The following DHX9 variants were observed in gnomAD, a reference collection of about 807,000 sequenced individuals.
The protein encoded by DHX9 is ATP-dependent RNA helicase A.
DHX9 carries 27 observed loss-of-function variants against 148.7 expected under a neutral mutation model. That is an observed-to-expected ratio of 0.18 (90% CI 0.13 to 0.25). The LOEUF is 0.25. Ranked by LOEUF, DHX9 falls within the 10% of genes least tolerant of loss-of-function variation. The probability of loss-of-function intolerance (pLI) is 1.00; values close to 1 mark genes in which losing one functional copy is unlikely to be tolerated. For missense variants in DHX9, 796 were observed against 1,559.6 expected, an observed-to-expected ratio of 0.51 and a Z score of 8.25; for synonymous variants, 529 against 516.6, an observed-to-expected ratio of 1.02 and a Z score of -0.33.
intron 3 of DHX9, among the ~76,000 whole-genome samples, chr1:182,849,763 C>T (rs1668097772): frequency 6.6e-6 from 1 of 152,074 alleles, no homozygotes; most frequent in South Asian, 2.1e-4. Flanking sequence ...GGATCATTTA[C>T]ATATATATTT....
At position 182,866,476 on chromosome 1, in the gene DHX9, G is replaced by A. The variant is rs1342985359; in HGVS notation, c.1365G>A (p.Glu455=). 3 of 1,614,156 alleles carry A rather than the reference G, an allele frequency of 1.9e-6. No homozygotes were observed. The highest frequency in any genetic ancestry group is 2.5e-6 in the Non-Finnish European group (3 of 1,180,036). Residue 455 remains glutamate (E), a synonymous_variant, in exon 13 of 28, where the codon GAG becomes GAA. Coordinates refer to ENST00000367549, the MANE Select transcript of DHX9 (RefSeq NM_001357.5). Reference sequence around the variant, plus strand: ...GAATCAGTGCGGTTTCTGTGGCAGAGCGAGTTGCATTTGAAAGAGGAGAAG... The same window carrying A: ...GAATCAGTGCGGTTTCTGTGGCAGAACGAGTTGCATTTGAAAGAGGAGAAG... ...PRRISAVSVA[E]RVAFERGEEP...
chr1:182,860,318 C>A, intron 12 of DHX9, 134 bp downstream of exon 12: 1 of 774,684 alleles, frequency 1.3e-6, no homozygotes, highest in Non-Finnish European at 1.9e-6. Flanking sequence ...AAAAAGAAAA[C>A]ATAAAAACAA....
rs1298835827 is a variant in DHX9 at position 182,859,911 on chromosome 1, A to T, written c.1141-82A>T. On this transcript the variant is annotated intron_variant, in intron 11 of 27. Transcript: ENST00000367549. ...GAGCCACCGCGCCCAGTCTATAGAG[A>T]TGGAAGTTTTTTAAAGGATCAAGAC... 8 of 1,393,812 alleles carry T rather than the reference A, an allele frequency of 5.7e-6. No individual in the cohort carries two copies. The African/African-American group carries it at 8.7e-5, about 15-fold the overall frequency. 86.3% of individuals were successfully genotyped at this position (1,393,812 alleles called of 1,614,324 possible). A position where few individuals can be genotyped will look rare whatever the true frequency, so the allele number is the denominator to read the frequency against.
rs540475968 is a variant in DHX9 at position 182,839,370 on chromosome 1, C to G, written c.-109C>G. 10 of 152,446 alleles carry G rather than the reference C, an allele frequency of 6.6e-5. No individual in the cohort carries two copies. Among genetic ancestry groups the G allele is most frequent in the South Asian group, 2.1e-4 (1 of 4,826 alleles). 9.4% of individuals were successfully genotyped at this position (152,446 alleles called of 1,614,324 possible). A position where few individuals can be genotyped will look rare whatever the true frequency, so the allele number is the denominator to read the frequency against. ...GAGCCATTTCGCCGATTCCTCCATG[C>G]GAGTTGCTGTGCGTTTCTCTGTTGT... is the stretch of plus-strand genomic sequence containing the variant. On this transcript the variant is annotated 5_prime_UTR_variant, in exon 1 of 28. Transcript: ENST00000367549.
chr1:182,868,292 A>G (rs1648389876), intron 14 of DHX9, among the ~76,000 whole-genome samples: 1 of 152,204 alleles, frequency 6.6e-6, no homozygotes, highest in South Asian at 2.1e-4. Flanking sequence ...AATTTTATGC[A>G]TATGAAATTT....
At chr1:182,859,218 GC>G (rs1668310882) in intron 11 of DHX9, 101 bp downstream of exon 11, 1 of 1,026,004 alleles carries the variant, frequency 9.7e-7, no homozygotes, top group Non-Finnish European at 1.5e-6. Flanking sequence ...TTTAAGGAGG[GC>G]ATATCAAAAG....
At chr1:182,843,707 G>C (rs1667972456) in intron 3 of DHX9, among the ~76,000 whole-genome samples, 1 of 152,106 alleles carries the variant, frequency 6.6e-6, no homozygotes, top group South Asian at 2.1e-4. Context: ...AGAAATTTCA[G>C]AGTCTGTTAT....
chr1:182,841,935 G>A (rs139461000), intron 1 of DHX9, among the ~76,000 whole-genome samples: 124 of 152,296 alleles, frequency 8.1e-4, no homozygotes, highest in African/African-American at 2.8e-3. Context: ...AGTGCTTAAT[G>A]TATTTGAACT....
intron 3 of DHX9, among the ~76,000 whole-genome samples, chr1:182,843,866 T>C (rs1667976298): frequency 6.6e-6 from 1 of 152,174 alleles, no homozygotes; most frequent in African/African-American, 2.4e-5. Flanking sequence ...GACACAACCA[T>C]AGCTCACTGC....
At position 182,876,199 on chromosome 1, in the gene DHX9, T is replaced by A. The variant is rs1362264742; in HGVS notation, c.1965T>A (p.Val655=). The A allele has an allele frequency of 1.9e-6, 3 of 1,613,874 alleles. No homozygotes were observed. The African/African-American group carries it at 4.0e-5, about 22-fold the overall frequency. ...ETLNVPGAVL[V]FLPGWNLIYT... is the part of the protein sequence containing the mutation. ...TTAATGTTCCTGGAGCTGTGTTGGT[T>A]TTTTTGCCTGGCTGGAATCTGATTT... Residue 655 remains valine, a synonymous_variant, in exon 17 of 28, where the codon GTT becomes GTA. Transcript: ENST00000367549.
At chr1:182,864,831 T>G (rs1319925307) in intron 12 of DHX9, among the ~76,000 whole-genome samples, 3 of 152,348 alleles carry the variant, frequency 2.0e-5, no homozygotes, top group Non-Finnish European at 4.4e-5. Flanking sequence ...CCTTGGGATT[T>G]AAGACGTTTG....
chr1:182,867,841 A>C (rs1253346094), intron 14 of DHX9, among the ~76,000 whole-genome samples: 1 of 152,206 alleles, frequency 6.6e-6, no homozygotes, highest in African/African-American at 2.4e-5. Flanking sequence ...TGACAAAAAA[A>C]CTGTGTAAAA....
At chr1:182,864,977 A>G (rs749023292) in intron 12 of DHX9, among the ~76,000 whole-genome samples, 3 of 152,228 alleles carry the variant, frequency 2.0e-5, no homozygotes, top group South Asian at 2.1e-4. Flanking sequence ...TGACAAAGCA[A>G]TCTCTGAGTA....
intron 14 of DHX9, among the ~76,000 whole-genome samples, chr1:182,868,317 T>C (rs1648391077): frequency 6.6e-6 from 1 of 151,960 alleles, no homozygotes; most frequent in African/African-American, 2.4e-5. Context: ...AAAAAGCAAA[T>C]CTGATCTGTG....
At chr1:182,845,065 A>G (rs752409225) in intron 3 of DHX9, among the ~76,000 whole-genome samples, 36 of 152,216 alleles carry the variant, frequency 2.4e-4, no homozygotes, top group Non-Finnish European at 4.9e-4. Context: ...ATTTCCTTCC[A>G]TTCCTTTGAC....
At chr1:182,872,265 T>G in intron 14 of DHX9, 72 bp from the exon 15 acceptor site, 3 of 1,313,536 alleles carry the variant, frequency 2.3e-6, no homozygotes, top group African/African-American at 2.9e-5. Flanking sequence ...TATGGCTGTA[T>G]AACTCTTTTA....
chr1:182,864,232 C>T (rs981809274), intron 12 of DHX9, among the ~76,000 whole-genome samples: 8 of 152,128 alleles, frequency 5.3e-5, no homozygotes, highest in Non-Finnish European at 5.9e-5. Flanking sequence ...GACTAGAGGC[C>T]TCTATCACCT....
intron 11 of DHX9, among the ~76,000 whole-genome samples, chr1:182,859,491 T>C (rs932684600): frequency 2.0e-5 from 3 of 152,162 alleles, no homozygotes; most frequent in Admixed American, 2.0e-4. Flanking sequence ...TCTTCAGAAG[T>C]GTAGTGAAAA....
chr1:182,867,194 A>C (rs1017890267), intron 14 of DHX9, 151 bp downstream of exon 14: 9 of 542,866 alleles, frequency 1.7e-5, no homozygotes, highest in African/African-American at 1.4e-4. Context: ...TTTTTTAGTG[A>C]GATTATTCAA....
Sources: allele counts gnomAD v4.1 joint callset (sites outside exome capture counted in the v4.1 genomes callset), GRCh38; gene constraint gnomAD v4.1.1; transcripts MANE v1.5; gene names NCBI Gene and HGNC (gene_info 2026-07-23, HGNC 2026-07-21).